The following RBFOX1 variants were observed in gnomAD, a reference collection of about 807,000 sequenced individuals.
The protein encoded by RBFOX1 is RNA binding fox-1 homolog 1.
In RBFOX1, 8 loss-of-function variants were observed where a neutral mutation model predicts 57.7. The ratio of observed to expected loss-of-function variants is 0.14; its 90% CI spans 0.08 to 0.25. The LOEUF (loss-of-function observed/expected upper bound fraction) is 0.25. RBFOX1 is among the 10% of genes least tolerant of loss of function. The pLI is 1.00. For synonymous variants in RBFOX1, 326 were observed against 222.4 expected (o/e 1.47, Z -4.15); for missense variants, 611 against 548.5 (o/e 1.11, Z -1.14).
chr16:6,090,261 G>C (rs1434585889), intron 1 of RBFOX1: 1 of 152,050 alleles, frequency 6.6e-6, no homozygotes, highest in African/African-American at 2.4e-5. Context: ...CCTATTTTGA[G>C]GTCAGATGAT....
At chr16:5,266,134 G>A (rs868056171) in intron 1 of RBFOX1, among the ~76,000 whole-genome samples, 5 of 152,184 alleles carry the variant, frequency 3.3e-5, no homozygotes, top group Admixed American at 6.5e-5. Context: ...GAATGAAAGA[G>A]ATCCTGAGCA....
intron 3 of RBFOX1, among the ~76,000 whole-genome samples, chr16:5,835,658 C>A (rs1489355252): frequency 2.0e-5 from 3 of 152,170 alleles, no homozygotes. Flanking sequence ...CTGCCTGGAC[C>A]CTTCTTCTTA....
At chr16:7,570,774 C>T (rs1253761090) in intron 5 of RBFOX1, among the ~76,000 whole-genome samples, 6 of 152,156 alleles carry the variant, frequency 3.9e-5, no homozygotes, top group Non-Finnish European at 5.9e-5. Flanking sequence ...CTGTTACAGA[C>T]ACACATACAC....
intron 4 of RBFOX1, among the ~76,000 whole-genome samples, chr16:5,958,928 A>C (rs2059698543): frequency 6.6e-6 from 1 of 152,160 alleles, no homozygotes; most frequent in African/African-American, 2.4e-5. Flanking sequence ...TAACCTCCCC[A>C]TCTCAACAAC....
chr16:7,521,949 C>G (rs1386471784), intron 5 of RBFOX1, among the ~76,000 whole-genome samples: 2 of 152,146 alleles, frequency 1.3e-5, no homozygotes, highest in African/African-American at 2.4e-5. Flanking sequence ...CCTGCAAGTT[C>G]AGGCTCCAGT....
At chr16:7,106,046 G>A (rs1281697382) in intron 4 of RBFOX1, among the ~76,000 whole-genome samples, 1 of 152,172 alleles carries the variant, frequency 6.6e-6, no homozygotes, top group Non-Finnish European at 1.5e-5. Flanking sequence ...GGGACTGACA[G>A]TTCTGGAATA....
chr16:6,880,221 C>T (rs887560513), intron 3 of RBFOX1, among the ~76,000 whole-genome samples: 4 of 151,824 alleles, frequency 2.6e-5, no homozygotes, highest in African/African-American at 4.8e-5. Flanking sequence ...AATTTTCCAC[C>T]GGGGGGTAGC....
chr16:6,805,403 G>T (rs1156874254), intron 3 of RBFOX1, among the ~76,000 whole-genome samples: 1 of 152,180 alleles, frequency 6.6e-6, no homozygotes. Context: ...TAGAGGGTAG[G>T]AGGAGGGAGA....
intron 2 of RBFOX1, among the ~76,000 whole-genome samples, chr16:5,597,949 G>C (rs1284217979): frequency 6.6e-6 from 1 of 152,128 alleles, no homozygotes; most frequent in African/African-American, 2.4e-5. Flanking sequence ...ACGGGGCTGA[G>C]GTTAAGACCT....
chr16:6,739,020 C>A (rs938494765), intron 3 of RBFOX1, among the ~76,000 whole-genome samples: 1 of 152,064 alleles, frequency 6.6e-6, no homozygotes, highest in African/African-American at 2.4e-5. Flanking sequence ...CCCCTAAATG[C>A]TTTCAATTTA....
chr16:6,159,056 C>T (rs1289987449), intron 1 of RBFOX1, among the ~76,000 whole-genome samples: 1 of 152,046 alleles, frequency 6.6e-6, no homozygotes, highest in Non-Finnish European at 1.5e-5. Context: ...GCACCGACCA[C>T]CATGCCCAGC....
chr16:7,619,970 C>G (rs983927517), intron 10 of RBFOX1, among the ~76,000 whole-genome samples: 2 of 152,276 alleles, frequency 1.3e-5, no homozygotes, highest in Admixed American at 1.3e-4. Context: ...CCACTAGAAG[C>G]TAGACATATC....
intron 12 of RBFOX1, among the ~76,000 whole-genome samples, chr16:7,655,955 A>G (rs1024327617): frequency 2.6e-5 from 4 of 152,244 alleles, no homozygotes; most frequent in Non-Finnish European, 4.4e-5. Context: ...AATTAATGCC[A>G]TGTTTCACCA....
intron 4 of RBFOX1, among the ~76,000 whole-genome samples, chr16:7,486,319 G>C (rs934859882): frequency 6.6e-6 from 1 of 151,452 alleles, no homozygotes; most frequent in African/African-American, 2.4e-5. Flanking sequence ...TTTTGGTAGA[G>C]ATGCGGTTTC....
intron 1 of RBFOX1, among the ~76,000 whole-genome samples, chr16:5,305,683 G>A (rs961421079): frequency 6.6e-6 from 1 of 152,096 alleles, no homozygotes; most frequent in African/African-American, 2.4e-5. Context: ...GCAGAAGCAA[G>A]GTGGCACACA....
chr16:6,495,738 C>T (rs189514310), intron 2 of RBFOX1, among the ~76,000 whole-genome samples: 22 of 152,256 alleles, frequency 1.4e-4, no homozygotes, highest in Admixed American at 6.5e-4. Context: ...TATTTAACAG[C>T]TCTCAATAGC....
At chr16:7,705,529 C>T (rs1291495854) in intron 14 of RBFOX1, among the ~76,000 whole-genome samples, 1 of 152,068 alleles carries the variant, frequency 6.6e-6, no homozygotes, top group Non-Finnish European at 1.5e-5. Context: ...TTTTAAAAAT[C>T]CTATGTGCCT....
chr16:6,935,654 A>G (rs942391558), intron 3 of RBFOX1, among the ~76,000 whole-genome samples: 48 of 152,166 alleles, frequency 3.2e-4, no homozygotes, highest in Non-Finnish European at 1.2e-4. Flanking sequence ...CTGACATCTT[A>G]TTCTTAAATG....
At chr16:5,357,457 G>A (rs533582816) in intron 1 of RBFOX1, among the ~76,000 whole-genome samples, 3 of 152,312 alleles carry the variant, frequency 2.0e-5, no homozygotes, top group African/African-American at 4.8e-5. Context: ...AGGGAGAGAG[G>A]AGACTGAGTC....
Sources: gnomAD v4.1 joint callset for allele counts (sites outside exome capture counted in the v4.1 genomes callset) on GRCh38, gnomAD v4.1.1 for gene constraint, MANE v1.5 for transcripts, NCBI Gene and HGNC (gene_info 2026-07-23, HGNC 2026-07-21) for gene names.